Variants in PCDH11X observed in about 807,000 individuals in gnomAD.
PCDH11X encodes protocadherin-11 X-linked.
PCDH11X carries 18 observed loss-of-function variants against 53.3 expected under a neutral mutation model. That is an observed-to-expected ratio of 0.34 (90% confidence interval 0.23 to 0.50). PCDH11X has a LOEUF of 0.50. PCDH11X is among the 20% of genes least tolerant of loss of function. PCDH11X has a pLI of 0.98. For synonymous variants in PCDH11X, 279 were observed against 393.3 expected (o/e 0.71, Z 3.44); for missense variants, 570 against 1,032.4 (o/e 0.55, Z 6.14).
At chrX:91,791,654 G>C (rs766482492) in intron 1 of PCDH11X, among the ~76,000 whole-genome samples, 1 of 104,658 alleles carries the variant, frequency 9.6e-6, no homozygotes, top group Admixed American at 1.0e-4. Context: ...GGCACGTATA[G>C]CAGCCAAAAT....
chrX:91,944,798 A>G (rs1356426348), intron 6 of PCDH11X, among the ~76,000 whole-genome samples: 2 of 108,448 alleles, frequency 1.8e-5, no homozygotes, highest in Non-Finnish European at 3.8e-5. Flanking sequence ...GTTGACAGAA[A>G]AAAATCATTT....
At position 91,892,012 on chromosome X, in the gene PCDH11X, G is replaced by GGTGTGTGTGT. The variant is rs367707799; in HGVS notation, c.3033+12764_3033+12773dup. Among the ~76,000 whole-genome samples, 63 of 83,067 alleles carry GGTGTGTGTGT rather than the reference G, an allele frequency of 7.6e-4. 1 individual carries two copies. The highest frequency in any genetic ancestry group is 2.7e-3 in the African/African-American group (62 of 23,113). 72.1% of individuals were successfully genotyped at this position (83,067 alleles called of 115,157 possible). Reference sequence around the variant, plus strand: ...CAGTGTTTACTATAATAATTAGAGGGGTGTGTGTGTGTGTGTGTGTGTGTG... The same window carrying GGTGTGTGTGT: ...CAGTGTTTACTATAATAATTAGAGGGGTGTGTGTGTGTGTGTGTGTGTGTGTGTGTGTGTG... On this transcript the variant is annotated intron_variant, in intron 6 of 10. Coordinates refer to ENST00000682573, the MANE Select transcript of PCDH11X (RefSeq NM_032968.5).
intron 6 of PCDH11X, among the ~76,000 whole-genome samples, chrX:92,076,712 T>G (rs1169315113): frequency 1.8e-5 from 2 of 111,973 alleles, no homozygotes; most frequent in South Asian, 7.3e-4. Flanking sequence ...ATTTGGCTTT[T>G]TTGTTTCCTG....
chrX:92,211,195 G>A (rs1047025107), intron 7 of PCDH11X, among the ~76,000 whole-genome samples: 1 of 111,768 alleles, frequency 8.9e-6, no homozygotes, highest in Non-Finnish European at 1.9e-5. Flanking sequence ...ACAGGCTTCT[G>A]CTTCTGGGGA....
At chrX:92,217,859 G>A (rs774682008) in intron 7 of PCDH11X, among the ~76,000 whole-genome samples, 245 of 111,134 alleles carry the variant, frequency 2.2e-3, no homozygotes, top group Non-Finnish European at 3.6e-3. Flanking sequence ...CTGTCTCTCA[G>A]ACCAAAGTGC....
chrX:92,169,642 C>T (rs1339394298), intron 6 of PCDH11X, among the ~76,000 whole-genome samples: 1 of 103,083 alleles, frequency 9.7e-6, no homozygotes, highest in Non-Finnish European at 2.0e-5. Context: ...TAACCACTTT[C>T]CTCTATTTTG....
At position 91,803,832 on chromosome X, in the gene PCDH11X, A is replaced by G. The variant is rs932220983; in HGVS notation, c.-378-5634A>G. On this transcript the variant is annotated intron_variant, in intron 1 of 10. Coordinates refer to ENST00000682573, the MANE Select transcript of PCDH11X (RefSeq NM_032968.5). ...TTAGTGAATCACTGTATTTGTCAGC[A>G]TAGTAATTTGCAGAAACATGGATCT... Among the ~76,000 whole-genome samples the G allele has an allele frequency of 3.7e-4, 41 of 111,797 alleles. 1 individual carries two copies. Among genetic ancestry groups the G allele is most frequent in the Non-Finnish European group, 3.8e-4 (20 of 53,082 alleles).
Position 91,901,442 on chromosome X carries a change from G to A in PCDH11X, c.3033+22169G>A, listed in dbSNP as rs771924290. On this transcript the variant is annotated intron_variant, in intron 6 of 10. Coordinates refer to ENST00000682573, the MANE Select transcript of PCDH11X (RefSeq NM_032968.5). ...GTCAGCCTTTCTGACTCTGGAATAA[G>A]ACCTCAAATGCCACCGTTCAGTGGT... 3.6e-5 allele frequency among the ~76,000 whole-genome samples: 4 copies of A among 111,258 alleles called. No individual in the cohort carries two copies. In the East Asian group the frequency reaches 1.1e-3, roughly 32 times the overall value.
intron 10 of PCDH11X, among the ~76,000 whole-genome samples, chrX:92,545,433 G>T (rs1049184486): frequency 1.2e-5 from 1 of 82,142 alleles, no homozygotes; most frequent in Non-Finnish European, 2.2e-5. Flanking sequence ...GCGGAGTCTC[G>T]CTCTGTCACC....
chrX:92,032,127 C>G (rs184941373), intron 6 of PCDH11X, among the ~76,000 whole-genome samples: 1 of 111,606 alleles, frequency 9.0e-6, no homozygotes, highest in East Asian at 2.8e-4. Flanking sequence ...CATGGAATGT[C>G]TTTCCATTTT....
chrX:91,807,663 C>G (rs1347615697), intron 1 of PCDH11X, among the ~76,000 whole-genome samples: 4 of 111,385 alleles, frequency 3.6e-5, no homozygotes, highest in Non-Finnish European at 7.5e-5. Flanking sequence ...TCTTGTTCCT[C>G]ATAAATCATT....
chrX:92,274,532 G>C (rs995739279), intron 8 of PCDH11X, among the ~76,000 whole-genome samples: 1 of 111,224 alleles, frequency 9.0e-6, no homozygotes, highest in African/African-American at 3.3e-5. Context: ...TGTCTACCTA[G>C]ACTAAGAGGT....
chrX:92,174,869 G>A (rs1267589055), intron 6 of PCDH11X, among the ~76,000 whole-genome samples: 1 of 111,801 alleles, frequency 8.9e-6, no homozygotes, highest in African/African-American at 3.2e-5. Context: ...ATAGCTCCTT[G>A]TACTTCAGTA....
At chrX:91,966,152 A>AT (rs202233727) in intron 6 of PCDH11X, among the ~76,000 whole-genome samples, 4,733 of 101,988 alleles carry the variant, frequency 0.046, 289 homozygotes, top group African/African-American at 0.15. Flanking sequence ...CAGTTCTTTG[A>AT]TTTTTTTTTT....
intron 4 of PCDH11X, among the ~76,000 whole-genome samples, chrX:91,824,399 T>C (rs1936824255): frequency 9.1e-6 from 1 of 110,398 alleles, no homozygotes; most frequent in African/African-American, 3.3e-5. Flanking sequence ...TCTCTAAACT[T>C]CCCTTCTCAC....
intron 10 of PCDH11X, among the ~76,000 whole-genome samples, chrX:92,607,511 G>A (rs945854062): frequency 9.0e-6 from 1 of 111,506 alleles, no homozygotes; most frequent in African/African-American, 3.3e-5. Context: ...GTTTCTTTTT[G>A]AAGTGATAAA....
intron 7 of PCDH11X, among the ~76,000 whole-genome samples, chrX:92,212,436 C>T (rs1220371543): frequency 3.6e-5 from 4 of 111,655 alleles, no homozygotes; most frequent in African/African-American, 1.3e-4. Flanking sequence ...CTGCAACCTC[C>T]ACCTCCCGGT....
chrX:91,987,251 A>G (rs1238252767), intron 6 of PCDH11X, among the ~76,000 whole-genome samples: 1 of 110,251 alleles, frequency 9.1e-6, no homozygotes, highest in Admixed American at 9.7e-5. Flanking sequence ...TGTCCAGCTA[A>G]TTTTTGTATT....
intron 10 of PCDH11X, among the ~76,000 whole-genome samples, chrX:92,548,458 A>T (rs1009610946): frequency 8.9e-6 from 1 of 112,016 alleles, no homozygotes; most frequent in Admixed American, 9.5e-5. Context: ...GGCATGAGCC[A>T]TCGCACGCAG....
Sources: gnomAD v4.1 joint callset for allele counts (sites outside exome capture counted in the v4.1 genomes callset) on GRCh38, gnomAD v4.1.1 for gene constraint, MANE v1.5 for transcripts, NCBI Gene and HGNC (gene_info 2026-07-23, HGNC 2026-07-21) for gene names.